The following LIN52 variants were observed in gnomAD, a reference collection of about 807,000 sequenced individuals.
The protein encoded by LIN52 is protein lin-52 homolog.
Under a neutral mutation model 18.5 loss-of-function variants are expected in LIN52, and 4 were observed. The observed-to-expected ratio is 0.22, with a 90% confidence interval of 0.11 to 0.49. The LOEUF (loss-of-function observed/expected upper bound fraction) is 0.49. Among genes scored for constraint, LIN52 ranks in the 20% least tolerant of loss-of-function variants. LIN52 has a pLI of 0.97. For synonymous variants in LIN52, 34 were observed against 45.5 expected, an observed-to-expected ratio of 0.75 and a Z score of 1.02; for missense variants, 102 against 139.5, an observed-to-expected ratio of 0.73 and a Z score of 1.35.
chr14:74,198,098 A>C lies in LIN52; in HGVS notation c.284-824A>C, dbSNP rs777692622. Among the ~76,000 whole-genome samples, 5 of 152,340 alleles carry C rather than the reference A, an allele frequency of 3.3e-5. No homozygotes were observed. The East Asian group carries it at 9.6e-4, about 29-fold the overall frequency. Reference sequence around the variant, plus strand: ...AAATCCATTTAAGAAATCTGAAAACATGGCCTTGCAGGATGAGGATGAGGA... The same window carrying C: ...AAATCCATTTAAGAAATCTGAAAACCTGGCCTTGCAGGATGAGGATGAGGA... On this transcript the variant is annotated intron_variant, in intron 5 of 5. Transcript: ENST00000555028.
intron 2 of LIN52, among the ~76,000 whole-genome samples, chr14:74,091,997 A>G (rs2060775123): frequency 6.6e-6 from 1 of 152,096 alleles, no homozygotes; most frequent in African/African-American, 2.4e-5. Flanking sequence ...TGTTTGAACC[A>G]GAGTCTCTCT....
chr14:74,113,032 G>A (rs747351531), intron 5 of LIN52, among the ~76,000 whole-genome samples: 1 of 150,036 alleles, frequency 6.7e-6, no homozygotes, highest in African/African-American at 2.5e-5. Flanking sequence ...TTCAGAGAAG[G>A]CAATTAGTGA....
In LIN52 at chr14:74,100,421, C is replaced by T. The variant is rs201486182; in HGVS notation, c.200-734C>T. Among the ~76,000 whole-genome samples the T allele has an allele frequency of 1.2e-4, 19 of 152,282 alleles. No homozygotes were observed. In the East Asian group the frequency reaches 3.7e-3, roughly 29 times the overall value. On this transcript the variant is annotated intron_variant, in intron 4 of 5. Coordinates refer to ENST00000555028, the MANE Select transcript of LIN52 (RefSeq NM_001024674.3). Reference sequence around the variant, plus strand: ...CTCCTGGTGATCCTCCCATCCCAGCCTCCTGAGTAGCTGGGACTACAGGCA... The same window carrying T: ...CTCCTGGTGATCCTCCCATCCCAGCTTCCTGAGTAGCTGGGACTACAGGCA...
intron 5 of LIN52, among the ~76,000 whole-genome samples, chr14:74,188,584 A>G (rs2061350191): frequency 6.6e-6 from 1 of 151,670 alleles, no homozygotes; most frequent in Non-Finnish European, 1.5e-5. Flanking sequence ...ATTTTGTATA[A>G]TATGGTAATG....
chr14:74,157,222 A>G (rs6574163), intron 5 of LIN52, among the ~76,000 whole-genome samples: 116,932 of 150,842 alleles, frequency 0.78, 45,644 homozygotes, highest in Admixed American at 0.81. Flanking sequence ...TAGTAGAGAC[A>G]GGGTTTCTCC....
chr14:74,117,669 A>G (rs2060973479), intron 5 of LIN52, among the ~76,000 whole-genome samples: 1 of 152,208 alleles, frequency 6.6e-6, no homozygotes, highest in South Asian at 2.1e-4. Context: ...GATGTTCTAG[A>G]AATTTCAACA....
At chr14:74,101,067 C>A in intron 4 of LIN52, 88 bp from the exon 5 acceptor site, 1 of 1,006,842 alleles carries the variant, frequency 9.9e-7, no homozygotes, top group Non-Finnish European at 1.5e-6. Context: ...AGCTTGAAAA[C>A]TTGTATAACA....
intron 1 of LIN52, among the ~76,000 whole-genome samples, chr14:74,085,903 C>A (rs926326722): frequency 9.4e-4 from 143 of 152,208 alleles, no homozygotes; most frequent in African/African-American, 3.3e-3. Context: ...AAGTTCATTG[C>A]AGGAATGAAG....
intron 5 of LIN52, among the ~76,000 whole-genome samples, chr14:74,194,068 A>G (rs1279463963): frequency 6.6e-6 from 1 of 152,232 alleles, no homozygotes; most frequent in Non-Finnish European, 1.5e-5. Flanking sequence ...TTATCAGGCA[A>G]TTGCCTCAAA....
At chr14:74,125,805 G>A (rs1281528469) in intron 5 of LIN52, among the ~76,000 whole-genome samples, 14 of 145,890 alleles carry the variant, frequency 9.6e-5, no homozygotes, top group African/African-American at 2.8e-4. Flanking sequence ...ACCAAACACC[G>A]CATGTTCTCA....
intron 5 of LIN52, among the ~76,000 whole-genome samples, chr14:74,125,651 A>G (rs1179378836): frequency 6.6e-6 from 1 of 152,090 alleles, no homozygotes; most frequent in East Asian, 1.9e-4. Flanking sequence ...ATGTCCAACA[A>G]TGATAGACTG....
rs13379101 is a variant in LIN52 at position 74,129,344 on chromosome 14, G to T, written c.283+28106G>T. On this transcript the variant is annotated intron_variant, in intron 5 of 5. Coordinates refer to ENST00000555028, the MANE Select transcript of LIN52 (RefSeq NM_001024674.3). Reference sequence around the variant, plus strand: ...ATATAAGTAAGGTTTCTGAGAGGGCGCAGGTGAATCAAATATAAGTAAGGT... The same window carrying T: ...ATATAAGTAAGGTTTCTGAGAGGGCTCAGGTGAATCAAATATAAGTAAGGT... Among the ~76,000 whole-genome samples the T allele has an allele frequency of 8.3e-3, 1,261 of 152,242 alleles. 17 individuals carry two copies. The highest frequency in any genetic ancestry group is 0.029 in the African/African-American group (1,197 of 41,538).
At chr14:74,163,665 CAA>C (rs1204944022) in intron 5 of LIN52, among the ~76,000 whole-genome samples, 2 of 152,010 alleles carry the variant, frequency 1.3e-5, no homozygotes, top group African/African-American at 4.8e-5. Context: ...AAGGAGAGAA[CAA>C]GAGAGATGAC....
At chr14:74,183,321 G>A (rs574361218) in intron 5 of LIN52, among the ~76,000 whole-genome samples, 2 of 152,066 alleles carry the variant, frequency 1.3e-5, no homozygotes, top group Non-Finnish European at 2.9e-5. Context: ...GGATGGTCTC[G>A]ATCTCCTGAC....
intron 5 of LIN52, among the ~76,000 whole-genome samples, chr14:74,124,677 A>T (rs1332646947): frequency 6.6e-6 from 1 of 151,760 alleles, no homozygotes; most frequent in Non-Finnish European, 1.5e-5. Context: ...GGGCATGGTG[A>T]TGTGCACCTA....
At chr14:74,156,262 G>A (rs2061198675) in intron 5 of LIN52, among the ~76,000 whole-genome samples, 1 of 152,138 alleles carries the variant, frequency 6.6e-6, no homozygotes, top group Admixed American at 6.5e-5. Context: ...CAAACATCAA[G>A]CCTTAAATGC....
At chr14:74,089,807 A>G (rs541815856) in intron 1 of LIN52, among the ~76,000 whole-genome samples, 3 of 152,224 alleles carry the variant, frequency 2.0e-5, no homozygotes, top group South Asian at 2.1e-4. Flanking sequence ...AAAAGTCCTC[A>G]TGTTGAAATA....
At chr14:74,119,836 C>G (rs1360707941) in intron 5 of LIN52, among the ~76,000 whole-genome samples, 1 of 132,346 alleles carries the variant, frequency 7.6e-6, no homozygotes, top group Admixed American at 7.6e-5. Flanking sequence ...CTGGATTATT[C>G]TTTTTTTTTT....
At chr14:74,197,412 C>T (rs2078920814) in intron 5 of LIN52, among the ~76,000 whole-genome samples, 1 of 152,188 alleles carries the variant, frequency 6.6e-6, no homozygotes, top group Non-Finnish European at 1.5e-5. Context: ...AGCACGTGCT[C>T]TGGAGTTTGG....
Sources: allele counts gnomAD v4.1 joint callset (sites outside exome capture counted in the v4.1 genomes callset), GRCh38; gene constraint gnomAD v4.1.1; transcripts MANE v1.5; gene names NCBI Gene and HGNC (gene_info 2026-07-23, HGNC 2026-07-21).